STXBP4: variants seen among roughly 807,000 people sequenced by gnomAD.
STXBP4 encodes syntaxin-binding protein 4.
A neutral mutation model predicts 76.1 loss-of-function variants in STXBP4; 55 were observed. The observed-to-expected ratio is 0.72, with a 90% CI of 0.58 to 0.91. The LOEUF (loss-of-function observed/expected upper bound fraction) is 0.91. STXBP4 is among the 40% of genes least tolerant of loss of function. STXBP4 has a pLI of 0.00. For missense variants in STXBP4, 618 were observed against 636.9 expected (o/e 0.97, Z 0.32); for synonymous variants, 201 against 220.2 (o/e 0.91, Z 0.77).
chr17:54,982,717 A>G (rs1041708026), intron 1 of STXBP4, among the ~76,000 whole-genome samples: 12 of 152,030 alleles, frequency 7.9e-5, no homozygotes, highest in African/African-American at 2.9e-4. Flanking sequence ...GGAAGCAGGC[A>G]AAGGAGAGGG....
chr17:55,177,189 G>A (rs1004904029), downstream of STXBP4, among the ~76,000 whole-genome samples: 3 of 152,152 alleles, frequency 2.0e-5, no homozygotes, highest in African/African-American at 7.2e-5. Flanking sequence ...GGAGAACCCT[G>A]ACTGAAACAC....
At chr17:55,145,913 A>T (rs148407748) in intron 17 of STXBP4, among the ~76,000 whole-genome samples, 21 of 152,290 alleles carry the variant, frequency 1.4e-4, no homozygotes, top group African/African-American at 4.8e-4. Flanking sequence ...AACATTCTTA[A>T]ATTTAATAAC....
chr17:55,140,515 G>A (rs2080083298), intron 16 of STXBP4, among the ~76,000 whole-genome samples: 2 of 152,080 alleles, frequency 1.3e-5, no homozygotes, highest in Non-Finnish European at 2.9e-5. Flanking sequence ...GAACAGAGGG[G>A]TGGAAACCAC....
chr17:55,046,581 TATTA>T (rs2078792550), intron 11 of STXBP4, among the ~76,000 whole-genome samples: 2 of 151,968 alleles, frequency 1.3e-5, no homozygotes, highest in Admixed American at 6.6e-5. Flanking sequence ...GTATGTATAA[TATTA>T]ATCTTAATAA....
At chr17:55,203,852 T>A in the STXBP4 span, among the ~76,000 whole-genome samples, 1 of 152,104 alleles carries the variant, frequency 6.6e-6, no homozygotes, top group African/African-American at 2.4e-5. Context: ...CTTTTTTTTC[T>A]TACTTCATTT....
chr17:55,206,628 G>A, the STXBP4 span, among the ~76,000 whole-genome samples: 111 of 152,116 alleles, frequency 7.3e-4, no homozygotes, highest in African/African-American at 2.2e-3. Context: ...AGACTGAGGC[G>A]GGTGGATCAC....
intron 16 of STXBP4, among the ~76,000 whole-genome samples, chr17:55,100,213 G>C (rs2079547360): frequency 6.6e-6 from 1 of 152,196 alleles, no homozygotes; most frequent in South Asian, 2.1e-4. Flanking sequence ...GGGTGTGATT[G>C]TTTAATTATG....
At chr17:55,006,564 C>G (rs2078010983) in intron 7 of STXBP4, among the ~76,000 whole-genome samples, 1 of 152,110 alleles carries the variant, frequency 6.6e-6, no homozygotes. Context: ...AAGTTCTGGT[C>G]TTTTGTAGCA....
intron 10 of STXBP4, among the ~76,000 whole-genome samples, chr17:55,035,113 A>G (rs1268338664): frequency 2.0e-5 from 3 of 152,102 alleles, no homozygotes; most frequent in African/African-American, 7.2e-5. Flanking sequence ...AAACTTTATC[A>G]TATACTAAAT....
chr17:55,035,199 T>C (rs2078577130), intron 10 of STXBP4, among the ~76,000 whole-genome samples: 1 of 151,934 alleles, frequency 6.6e-6, no homozygotes, highest in South Asian at 2.1e-4. Context: ...CTTAGTCTCA[T>C]GATATAGTTA....
chr17:55,176,962 C>T (rs1476896430), downstream of STXBP4, among the ~76,000 whole-genome samples: 1 of 152,086 alleles, frequency 6.6e-6, no homozygotes, highest in Non-Finnish European at 1.5e-5. Flanking sequence ...ACTTAGTTCT[C>T]AGGCCTCAGA....
chr17:54,990,911 C>T lies in STXBP4; in HGVS notation c.134C>T (p.Pro45Leu), dbSNP rs768718177. 4 of 1,604,718 alleles carry T rather than the reference C, an allele frequency of 2.5e-6. No individual in the cohort carries two copies. The highest frequency in any genetic ancestry group is 1.1e-5 in the South Asian group (1 of 89,312). ...GGAGGAATTAACCGGAATGAAGGCC[C>T]ATTGGTATATATTCAGGAAATTATT... ...VLGGINRNEGPLVYIQEIIPG... is the reference protein window; with the variant it reads ...VLGGINRNEGLLVYIQEIIPG... The change falls in exon 4 of 18, where the codon CCA becomes CTA. Residue 45 changes from proline to leucine, a missense_variant. Coordinates refer to ENST00000376352, the MANE Select transcript of STXBP4 (RefSeq NM_178509.6).
intron 12 of STXBP4, among the ~76,000 whole-genome samples, chr17:55,070,999 T>G (rs2079113005): frequency 1.3e-5 from 2 of 152,174 alleles, no homozygotes; most frequent in South Asian, 4.1e-4. Flanking sequence ...TGAACTACTC[T>G]GTTGGCTTTA....
In STXBP4 at chr17:55,160,348, T is replaced by C. The variant is rs993127856; in HGVS notation, c.*437T>C. The C allele has an allele frequency of 6.5e-6, 1 of 152,790 alleles. No homozygotes were observed. The highest frequency in any genetic ancestry group is 2.4e-5 in the African/African-American group (1 of 41,428). The allele number at this position is 152,790 out of a possible 1,614,324, so 9.5% of individuals were successfully genotyped here. A position where few individuals can be genotyped will look rare whatever the true frequency, so the allele number is the denominator to read the frequency against. On this transcript the variant is annotated 3_prime_UTR_variant, in exon 18 of 18. Coordinates refer to ENST00000376352, the MANE Select transcript of STXBP4 (RefSeq NM_178509.6). The stretch of plus-strand genomic sequence containing the variant: ...GTTTTATATTCATATATTAGGAAAG[T>C]GAACTTAGCAAGCTTTTTGGAATTT...
chr17:55,157,788 G>T (rs2080297088), intron 17 of STXBP4, among the ~76,000 whole-genome samples: 4 of 152,136 alleles, frequency 2.6e-5, no homozygotes, highest in Admixed American at 2.6e-4. Context: ...AATAACAGTG[G>T]AACTTACCAT....
At chr17:55,187,831 A>T in the STXBP4 span, among the ~76,000 whole-genome samples, 3,314 of 152,312 alleles carry the variant, frequency 0.022, 91 homozygotes, top group African/African-American at 0.061. Flanking sequence ...TTTCATAACC[A>T]TCTTTAGGGC....
chr17:55,155,915 T>A (rs919580032), intron 17 of STXBP4, among the ~76,000 whole-genome samples: 1 of 152,198 alleles, frequency 6.6e-6, no homozygotes, highest in Non-Finnish European at 1.5e-5. Context: ...GTCTTTCAGT[T>A]TACTAATATT....
chr17:55,041,581 T>C (rs1458848661), intron 10 of STXBP4, among the ~76,000 whole-genome samples: 4 of 152,140 alleles, frequency 2.6e-5, no homozygotes, highest in Non-Finnish European at 5.9e-5. Flanking sequence ...GTAGGCCATA[T>C]GAATGTTGAG....
At chr17:55,021,620 C>T (rs895461156) in intron 8 of STXBP4, among the ~76,000 whole-genome samples, 19 of 152,024 alleles carry the variant, frequency 1.2e-4, no homozygotes, top group African/African-American at 4.1e-4. Context: ...ATTTTGGTAT[C>T]ACTCCCTCTC....
Sources: allele counts gnomAD v4.1 joint callset (sites outside exome capture counted in the v4.1 genomes callset), GRCh38; gene constraint gnomAD v4.1.1; transcripts MANE v1.5; gene names NCBI Gene and HGNC (gene_info 2026-07-23, HGNC 2026-07-21).